The following ADAMTS13 variants were observed in gnomAD, a reference collection of about 807,000 sequenced individuals.
The protein encoded by ADAMTS13 is ADAM metallopeptidase with thrombospondin type 1 motif 13.
A neutral mutation model predicts 155.1 loss-of-function variants in ADAMTS13; 110 were observed. That is an observed-to-expected ratio of 0.71 (90% CI 0.61 to 0.83). The LOEUF (loss-of-function observed/expected upper bound fraction) is 0.83, where lower values mean the gene tolerates loss of function less well. Ranked by LOEUF, ADAMTS13 falls within the 40% of genes least tolerant of loss-of-function variation. The pLI is 0.00. For missense variants in ADAMTS13, 1,707 were observed against 1,891.7 expected, an observed-to-expected ratio of 0.90 and a Z score of 1.81; for synonymous variants, 758 against 756.4, an observed-to-expected ratio of 1.00 and a Z score of -0.03.
Position 133,445,841 on chromosome 9 carries a change from C to T in ADAMTS13, c.2731+22C>T, listed in dbSNP as rs1554792453. On this transcript the variant is annotated intron_variant, in intron 21 of 28. Transcript: ENST00000355699. The surrounding 1 kb of genome is among the most constrained non-coding windows in gnomAD (Gnocchi z 5.0). ...CGAGGTGAGGGCCCCCGGGATGCTC[C>T]TGGGGACCAGCACTCATGGTAACTC... 6.4e-7 allele frequency: 1 copy of T among 1,557,430 alleles called. No homozygotes were observed. Among genetic ancestry groups the T allele is most frequent in the South Asian group, 1.2e-5 (1 of 83,664 alleles).
In ADAMTS13 at chr9:133,445,089, GA is replaced by G; in HGVS notation, c.2610+38del. ...GGGCATGAGGGTGGCTGGGGCTGTT[GA>G]GTCCTTTACCTGGCTGGGAGAACGA... On this transcript the variant is annotated intron_variant, in intron 20 of 28. Transcript: ENST00000355699. This position sits in a 1 kb window ranked among gnomAD's most constrained non-coding sequence, Gnocchi z 5.0. 1 of 1,601,432 alleles carries G rather than the reference GA, an allele frequency of 6.2e-7. No homozygotes were observed. Among genetic ancestry groups the G allele is most frequent in the South Asian group, 1.1e-5 (1 of 89,838 alleles).
In ADAMTS13 at chr9:133,442,605, C is replaced by T; in HGVS notation, c.2105-9C>T. The T allele has an allele frequency of 6.2e-7, 1 of 1,613,286 alleles. No individual in the cohort carries two copies. The highest frequency in any genetic ancestry group is 8.5e-7 in the Non-Finnish European group (1 of 1,179,996). On this transcript the variant is annotated splice_polypyrimidine_tract_variant and intron_variant, in intron 17 of 28. Transcript: ENST00000355699. ...GGGAGGCGGCCTAGCCCTCCCTCTT[C>T]CCTCCCAGGGCTGCGCTGGGTAAAC...
chr9:133,431,949 C>T (rs781983235), intron 8 of ADAMTS13, among the ~76,000 whole-genome samples: 12 of 152,154 alleles, frequency 7.9e-5, no homozygotes, highest in East Asian at 1.9e-4. Flanking sequence ...CCACAGTGCC[C>T]GGCCTTTTTC....
intron 14 of ADAMTS13, 92 bp downstream of exon 14, chr9:133,438,458 A>G: frequency 1.3e-6 from 2 of 1,563,370 alleles, no homozygotes; most frequent in South Asian, 1.1e-5. Context: ...TGCTCAGGTC[A>G]CAGGGCCTGC....
At chr9:133,447,627 C>T (rs180910613) in intron 21 of ADAMTS13, among the ~76,000 whole-genome samples, 200 of 151,086 alleles carry the variant, frequency 1.3e-3, no homozygotes, top group African/African-American at 4.6e-3. Context: ...TTTCCTCTGT[C>T]GCCCAGGCTG....
chr9:133,443,459 AG>A lies in ADAMTS13; in HGVS notation c.2321del (p.Gly774AlafsTer4). On this transcript the variant is annotated frameshift_variant, in exon 19 of 29. Transcript: ENST00000355699. LOFTEE classifies it high-confidence loss of function. ...RERPVRCVEA[Q>X]GSLLKTLPPA... ...CGGCCAGTGCGCTGCGTGGAGGCCC[AG>A]GGCAGCCTCCTGAAGACATTGCCCC... The A allele has an allele frequency of 6.3e-7, 1 of 1,592,572 alleles. No homozygotes were observed. The highest frequency in any genetic ancestry group is 1.7e-5 in the Admixed American group (1 of 58,812).
rs1456440351 is a variant in ADAMTS13, at chr9:133,445,837, G to A, written c.2731+18G>A. 1.3e-6 allele frequency: 2 copies of A among 1,560,688 alleles called. No individual in the cohort carries two copies. The highest frequency in any genetic ancestry group is 1.7e-6 in the Non-Finnish European group (2 of 1,147,594). On this transcript the variant is annotated intron_variant, in intron 21 of 28. Transcript: ENST00000355699. The surrounding 1 kb of genome is among the most constrained non-coding windows in gnomAD (Gnocchi z 5.0). ...CGGGCGAGGTGAGGGCCCCCGGGATGCTCCTGGGGACCAGCACTCATGGTA... is the reference window on the plus strand; with the variant it reads ...CGGGCGAGGTGAGGGCCCCCGGGATACTCCTGGGGACCAGCACTCATGGTA...
upstream of ADAMTS13, among the ~76,000 whole-genome samples, chr9:133,420,948 G>C (rs1267835904): frequency 6.6e-6 from 1 of 152,214 alleles, no homozygotes; most frequent in Non-Finnish European, 1.5e-5. Flanking sequence ...GTGGGTCAAG[G>C]GAAGGTTGTT....
upstream of ADAMTS13, among the ~76,000 whole-genome samples, chr9:133,419,130 G>A (rs984157853): frequency 1.4e-4 from 21 of 152,146 alleles, no homozygotes; most frequent in Non-Finnish European, 2.4e-4. Context: ...GTGAGCCACC[G>A]TGCCCGGCCG....
intron 2 of ADAMTS13, among the ~76,000 whole-genome samples, chr9:133,423,846 G>A (rs1325813350): frequency 2.0e-5 from 3 of 152,262 alleles, no homozygotes; most frequent in South Asian, 2.1e-4. Flanking sequence ...TCCTTCCAGC[G>A]CTGCCGCTCC....
intron 8 of ADAMTS13, among the ~76,000 whole-genome samples, chr9:133,432,036 G>GGC (rs201286970): frequency 0.31 from 47,526 of 152,070 alleles, 9,343 homozygotes; most frequent in Non-Finnish European, 0.43. Flanking sequence ...AGCCAAGGCA[G>GGC]GCGGATCACC....
rs183824227 is a variant in ADAMTS13 at position 133,425,051 on chromosome 9, G to A, written c.331-478G>A. Among the ~76,000 whole-genome samples the A allele has an allele frequency of 3.8e-4, 58 of 152,368 alleles. No homozygotes were observed. The highest frequency in any genetic ancestry group is 3.0e-3 in the Admixed American group (46 of 15,310). On this transcript the variant is annotated intron_variant, in intron 3 of 28. Coordinates refer to ENST00000355699, the MANE Select transcript of ADAMTS13 (RefSeq NM_139027.6). The surrounding 1 kb of genome is among the most constrained non-coding windows in gnomAD (Gnocchi z 4.6). ...CTCAGAAAGACAAACAAGGCCAGGC[G>A]CGGTGGCTCATGCCTATAATCCCAG...
chr9:133,454,492 A>G lies in ADAMTS13; in HGVS notation c.3122A>G (p.Gln1041Arg). ...GTARRSVACV[Q>R]LDQGQDVEVD... ...GCTAGACGCTCGGTGGCCTGTGTGC[A>G]GCTCGACCAAGGCCAGGACGTGGAG... is the stretch of plus-strand genomic sequence containing the variant. Residue 1041 changes from glutamine to arginine, a missense_variant, in exon 24 of 29, where the codon CAG (glutamine) becomes CGG (arginine). By Grantham distance (43) the Gln-to-Arg change is conservative (BLOSUM62 1). This residue lies in a region of ADAMTS13 where 961 missense variants were observed against 1,107.9 expected (regional missense o/e 0.87). Coordinates refer to ENST00000355699, the MANE Select transcript of ADAMTS13 (RefSeq NM_139027.6). 3.7e-6 allele frequency: 6 copies of G among 1,612,980 alleles called. No homozygotes were observed. The highest frequency in any genetic ancestry group is 5.1e-6 in the Non-Finnish European group (6 of 1,180,010).
chr9:133,415,018 C>A, intron 1 of ADAMTS13: 1 of 1,572,592 alleles, frequency 6.4e-7, no homozygotes. Context: ...GCCACTGGGA[C>A]CCAAAATAAA....
upstream of ADAMTS13, chr9:133,422,364 C>A: frequency 1.5e-6 from 2 of 1,309,994 alleles, no homozygotes; most frequent in Non-Finnish European, 2.2e-6. Flanking sequence ...GCAGGCCTGT[C>A]CCATTCCATA....
rs782329783 is a variant in ADAMTS13, at chr9:133,448,679, A to G, written c.2812A>G (p.Lys938Glu). The change falls in exon 22 of 29, where the codon AAG becomes GAG. Residue 938 changes from lysine to glutamate, a missense_variant. Lys to Glu is a moderately conservative substitution (Grantham distance 56). Transcript: ENST00000355699. ...GGAAGAGCTGTGTGGCCTGGCAAGC[A>G]AGCCTGGGAGCCGGCGGGAGGTCTG... ...VQEELCGLAS[K>E]PGSRREVCQA... The G allele has an allele frequency of 6.2e-7, 1 of 1,607,000 alleles. No homozygotes were observed. The highest frequency in any genetic ancestry group is 1.7e-5 in the Admixed American group (1 of 60,030).
chr9:133,455,227 C>T, intron 24 of ADAMTS13, 58 bp from the exon 25 acceptor site: 1 of 1,570,788 alleles, frequency 6.4e-7, no homozygotes, highest in Non-Finnish European at 8.7e-7. Flanking sequence ...GTGGTTACCA[C>T]TGTCCTTGTC....
chr9:133,440,454 A>C lies in ADAMTS13; in HGVS notation c.1897A>C (p.Thr633Pro). 2 of 1,613,634 alleles carry C rather than the reference A, an allele frequency of 1.2e-6. No homozygotes were observed. Among genetic ancestry groups the C allele is most frequent in the Non-Finnish European group, 1.7e-6 (2 of 1,179,966 alleles). ...TCGTGTCGAGTACAGAGTGGCCCTC[A>C]CCGAGGACCGGCTGCCCCGCCTGGA... ...DGRVEYRVAL[T>P]EDRLPRLEEI... The change falls in exon 16 of 29, where the codon ACC becomes CCC. Residue 633 changes from threonine to proline, a missense_variant. Around this residue, in one of 3 missense-constraint regions of ADAMTS13, gnomAD observed 961 missense variants for 1,107.9 expected, o/e 0.87. Transcript: ENST00000355699. This position sits in a 1 kb window ranked among gnomAD's most constrained non-coding sequence, Gnocchi z 4.3.
In ADAMTS13 at chr9:133,424,902, C is replaced by T. The variant is rs865909324; in HGVS notation, c.330+424C>T. Among the ~76,000 whole-genome samples, 3 of 152,226 alleles carry T rather than the reference C, an allele frequency of 2.0e-5. No homozygotes were observed. Among genetic ancestry groups the T allele is most frequent in the Admixed American group, 2.0e-4 (3 of 15,276 alleles). ...ACAGGTCACCCGTCTGAAGTCTAAA[C>T]AGAGACTGCTGGCAAAGGAGATGCC... is the stretch of plus-strand genomic sequence containing the variant. On this transcript the variant is annotated intron_variant, in intron 3 of 28. Coordinates refer to ENST00000355699, the MANE Select transcript of ADAMTS13 (RefSeq NM_139027.6). This position sits in a 1 kb window ranked among gnomAD's most constrained non-coding sequence, Gnocchi z 4.3.
Sources: allele counts gnomAD v4.1 joint callset (sites outside exome capture counted in the v4.1 genomes callset), GRCh38; gene constraint gnomAD v4.1.1; regional missense constraint gnomAD v4.1.1; non-coding constraint Gnocchi (gnomAD v3.1); transcripts MANE v1.5; gene names NCBI Gene and HGNC (gene_info 2026-07-23, HGNC 2026-07-21).